The following LRP1B variants were observed in gnomAD, a reference collection of about 807,000 sequenced individuals.
The protein encoded by LRP1B is LDL receptor related protein 1B, also known as low-density lipoprotein receptor-related protein 1B.
In LRP1B, 217 loss-of-function variants were observed where a neutral mutation model predicts 556.6. The ratio of observed to expected loss-of-function variants is 0.39; its 90% confidence interval spans 0.35 to 0.44. LRP1B has a LOEUF of 0.44. Ranked by LOEUF, LRP1B falls within the 20% of genes least tolerant of loss-of-function variation. LRP1B has a pLI of 1.00. For synonymous variants in LRP1B, 2,047 were observed against 1,865.8 expected, an observed-to-expected ratio of 1.10 and a Z score of -2.50; for missense variants, 5,053 against 5,620.8, an observed-to-expected ratio of 0.90 and a Z score of 3.23.
chr2:141,014,104 T>C (rs1338186528), intron 13 of LRP1B, among the ~76,000 whole-genome samples: 1 of 152,084 alleles, frequency 6.6e-6, no homozygotes, highest in Non-Finnish European at 1.5e-5. Context: ...TATTTCAGTA[T>C]CATATCCTGG....
chr2:140,647,077 A>G (rs1367581912), intron 41 of LRP1B, among the ~76,000 whole-genome samples: 1 of 152,180 alleles, frequency 6.6e-6, no homozygotes, highest in Admixed American at 6.5e-5. Context: ...ATTAAATGAA[A>G]TAATTCCCTA....
At position 140,359,596 on chromosome 2, in the gene LRP1B, T is replaced by C. The variant is rs147345702; in HGVS notation, c.11132-650A>G. ...CCACTCTTAAAGCAGGAAGTATCTG[T>C]CATTAGTCTTCATCCTTAGATGTGA... On this transcript the variant is annotated intron_variant, in intron 72 of 90. Coordinates refer to ENST00000389484, the MANE Select transcript of LRP1B (RefSeq NM_018557.3). Among the ~76,000 whole-genome samples, 460 of 151,726 alleles carry C rather than the reference T, an allele frequency of 3.0e-3. 3 individuals carry two copies. The highest frequency in any genetic ancestry group is 0.017 in the Middle Eastern group (5 of 294).
chr2:141,575,244 T>C (rs1344760109), intron 2 of LRP1B, among the ~76,000 whole-genome samples: 4 of 152,204 alleles, frequency 2.6e-5, no homozygotes, highest in African/African-American at 9.6e-5. Context: ...AACAGCATGG[T>C]ATTGGTACCA....
chr2:141,851,382 G>T (rs17765959), intron 1 of LRP1B, among the ~76,000 whole-genome samples: 57,125 of 151,552 alleles, frequency 0.38, 11,105 homozygotes, highest in African/African-American at 0.47. Context: ...TCAGTTGGTG[G>T]CTCTTTCATA....
chr2:141,119,928 T>A (rs558193844), intron 7 of LRP1B, among the ~76,000 whole-genome samples: 1 of 151,936 alleles, frequency 6.6e-6, no homozygotes, highest in Non-Finnish European at 1.5e-5. Flanking sequence ...AATAATCATA[T>A]GTTGTATTCT....
chr2:141,470,137 C>T (rs1682405854), intron 3 of LRP1B, among the ~76,000 whole-genome samples: 3 of 152,268 alleles, frequency 2.0e-5, no homozygotes, highest in Non-Finnish European at 2.9e-5. Context: ...AAAATTTAAA[C>T]TTTCTCTATT....
intron 32 of LRP1B, among the ~76,000 whole-genome samples, chr2:140,793,053 A>G (rs1403226082): frequency 2.6e-5 from 4 of 152,072 alleles, no homozygotes. Context: ...ATGTTCACTG[A>G]CCTGAAAACC....
chr2:140,666,551 G>C (rs1559042433), intron 41 of LRP1B, among the ~76,000 whole-genome samples: 1 of 151,978 alleles, frequency 6.6e-6, no homozygotes, highest in East Asian at 1.9e-4. Context: ...GTTATTACTT[G>C]AATAAAAAGA....
At chr2:141,034,384 C>T (rs1393401046) in intron 11 of LRP1B, among the ~76,000 whole-genome samples, 1 of 152,026 alleles carries the variant, frequency 6.6e-6, no homozygotes, top group Non-Finnish European at 1.5e-5. Flanking sequence ...TAAAGAGCTT[C>T]TGCACAGCAA....
chr2:141,999,452 T>C (rs1410039872), intron 1 of LRP1B, among the ~76,000 whole-genome samples: 1 of 152,118 alleles, frequency 6.6e-6, no homozygotes, highest in Non-Finnish European at 1.5e-5. Context: ...GTAAATTAAA[T>C]AAGTACATAA....
intron 2 of LRP1B, among the ~76,000 whole-genome samples, chr2:141,550,073 T>G (rs1172705443): frequency 6.6e-6 from 1 of 152,194 alleles, no homozygotes; most frequent in Non-Finnish European, 1.5e-5. Context: ...CATACGTATA[T>G]TTTGTCATTG....
At chr2:140,300,305 G>C (rs1226037121) in intron 83 of LRP1B, among the ~76,000 whole-genome samples, 3 of 152,078 alleles carry the variant, frequency 2.0e-5, no homozygotes, top group African/African-American at 7.2e-5. Flanking sequence ...TTTGTTTTCT[G>C]ATGGGAAATG....
At chr2:141,312,790 G>GAGAT (rs1325564957) in intron 3 of LRP1B, among the ~76,000 whole-genome samples, 1 of 151,900 alleles carries the variant, frequency 6.6e-6, no homozygotes, top group Admixed American at 6.6e-5. Flanking sequence ...CCAGGTTCAA[G>GAGAT]AGATTCTCTT....
intron 3 of LRP1B, among the ~76,000 whole-genome samples, chr2:141,369,312 A>C (rs1332952960): frequency 6.6e-6 from 1 of 152,156 alleles, no homozygotes; most frequent in Admixed American, 6.5e-5. Flanking sequence ...ATTTTCAAAC[A>C]TTTACATCAA....
intron 76 of LRP1B, 131 bp from the exon 77 acceptor site, chr2:140,351,169 A>G (rs1681940797): frequency 1.6e-6 from 1 of 608,376 alleles, no homozygotes; most frequent in African/African-American, 1.9e-5. Flanking sequence ...AACCAGTTTT[A>G]TATTGTCTTT....
At chr2:140,842,090 C>T (rs1437059088) in intron 29 of LRP1B, among the ~76,000 whole-genome samples, 1 of 152,234 alleles carries the variant, frequency 6.6e-6, no homozygotes, top group African/African-American at 2.4e-5. Context: ...GATTCTGTTA[C>T]TGCTCAAGGT....
intron 4 of LRP1B, among the ~76,000 whole-genome samples, chr2:141,249,368 G>A (rs189058829): frequency 3.3e-5 from 5 of 152,250 alleles, no homozygotes; most frequent in Non-Finnish European, 7.4e-5. Context: ...AGGCCAAGGC[G>A]GGCAGATTAC....
At chr2:140,319,666 A>G (rs1319368775) in intron 82 of LRP1B, among the ~76,000 whole-genome samples, 1 of 152,122 alleles carries the variant, frequency 6.6e-6, no homozygotes. Context: ...AAAATAACTA[A>G]TGGATACTAG....
intron 31 of LRP1B, among the ~76,000 whole-genome samples, chr2:140,832,324 GTACAGCCACTA>G (rs1691746048): frequency 2.0e-5 from 3 of 152,154 alleles, no homozygotes; most frequent in African/African-American, 7.2e-5. Context: ...CTGAGGGACT[GTACAGCCACTA>G]TGGAAAACAG....
Sources: allele counts gnomAD v4.1 joint callset (sites outside exome capture counted in the v4.1 genomes callset), GRCh38; gene constraint gnomAD v4.1.1; transcripts MANE v1.5; gene names NCBI Gene and HGNC (gene_info 2026-07-23, HGNC 2026-07-21).